HPCAL1: variants seen among roughly 807,000 people sequenced by gnomAD.
HPCAL1 encodes hippocalcin-like protein 1.
HPCAL1 carries 8 observed loss-of-function variants against 17.1 expected under a neutral mutation model. That is an observed-to-expected ratio of 0.47 (90% CI 0.27 to 0.84). The LOEUF (loss-of-function observed/expected upper bound fraction) is 0.84. Among genes scored for constraint, HPCAL1 ranks in the 40% least tolerant of loss-of-function variants. The pLI is 0.13. For missense variants in HPCAL1, 165 were observed against 271.1 expected (o/e 0.61, Z 2.75); for synonymous variants, 112 against 111.4 (o/e 1.01, Z -0.03).
intron 1 of HPCAL1, among the ~76,000 whole-genome samples, chr2:10,361,866 G>A (rs113512293): frequency 5.1e-4 from 78 of 152,054 alleles, no homozygotes; most frequent in Non-Finnish European, 9.4e-4. Context: ...ATAGGCGCCC[G>A]CCACCATGCC....
At chr2:10,374,005 G>A (rs1250364241) in intron 1 of HPCAL1, among the ~76,000 whole-genome samples, 4 of 152,208 alleles carry the variant, frequency 2.6e-5, no homozygotes, top group Non-Finnish European at 5.9e-5. Flanking sequence ...TCCTGGCCAA[G>A]TCCTCTGTCC....
At chr2:10,411,782 C>T (rs1399916744) in intron 2 of HPCAL1, among the ~76,000 whole-genome samples, 1 of 152,282 alleles carries the variant, frequency 6.6e-6, no homozygotes, top group Middle Eastern at 3.4e-3. Context: ...GAGAAAGATC[C>T]TCCAGTCCCC....
chr2:10,427,028 T>C lies in HPCAL1; in HGVS notation c.*207T>C. 1.7e-6 allele frequency: 1 copy of C among 571,436 alleles called. No homozygotes were observed. The highest frequency in any genetic ancestry group is 2.0e-5 in the South Asian group (1 of 50,134). 35.4% of individuals were successfully genotyped at this position (571,436 alleles called of 1,614,324 possible). Reference sequence around the variant, plus strand: ...CTCCCCTCACGCCTGGCCCGGTCCCTTCCAGGGCAACTCCCAGGGATGTGG... The same window carrying C: ...CTCCCCTCACGCCTGGCCCGGTCCCCTCCAGGGCAACTCCCAGGGATGTGG... On this transcript the variant is annotated 3_prime_UTR_variant, in exon 5 of 5. Transcript: ENST00000307845.
chr2:10,402,857 A>G lies in HPCAL1; in HGVS notation c.-25+5937A>G, dbSNP rs377756415. On this transcript the variant is annotated intron_variant, in intron 2 of 4. Transcript: ENST00000307845. ...CAGCACAGGGTGGACCTTGCCCTGC[A>G]GACAGAGCCATGCAGCCTGCGCAAA... Among the ~76,000 whole-genome samples the G allele has an allele frequency of 3.9e-5, 6 of 152,292 alleles. No homozygotes were observed. In the South Asian group the frequency reaches 8.3e-4, roughly 21 times the overall value.
chr2:10,385,045 G>A (rs185041494), intron 1 of HPCAL1, among the ~76,000 whole-genome samples: 60 of 151,952 alleles, frequency 3.9e-4, no homozygotes, highest in African/African-American at 1.1e-3. Context: ...ACTTGAACCC[G>A]GGAGGTGAAG....
intron 2 of HPCAL1, among the ~76,000 whole-genome samples, chr2:10,409,841 GTGCAGTGGCACCACCTCAGC>G: frequency 7.3e-6 from 1 of 137,746 alleles, no homozygotes; most frequent in African/African-American, 2.7e-5. Flanking sequence ...CCAGGCTGGA[GTGCAGTGGCACCACCTCAGC>G]TCACTGCAAC....
intron 1 of HPCAL1, among the ~76,000 whole-genome samples, chr2:10,386,312 C>G (rs1455583317): frequency 6.6e-6 from 1 of 152,236 alleles, no homozygotes; most frequent in East Asian, 1.9e-4. Flanking sequence ...GGTCCTTCCT[C>G]CCTGGCCTCT....
At position 10,304,205 on chromosome 2, in the gene HPCAL1, C is replaced by T. The variant is rs574497324; in HGVS notation, c.-111+1028C>T. Among the ~76,000 whole-genome samples, 6 of 151,910 alleles carry T rather than the reference C, an allele frequency of 3.9e-5. No homozygotes were observed. The highest frequency in any genetic ancestry group is 1.2e-4 in the African/African-American group (5 of 41,440). ...CCCTGCCCCAGCCCCCAGGCTCCCG[C>T]GCAAGCGTGGGGGTCCCTCTCCTGG... On this transcript the variant is annotated intron_variant, in intron 1 of 4. Transcript: ENST00000307845. The surrounding 1 kb of genome is among the most constrained non-coding windows in gnomAD (Gnocchi z 4.1).
At chr2:10,385,097 CA>C (rs34671924) in intron 1 of HPCAL1, among the ~76,000 whole-genome samples, 66,626 of 140,566 alleles carry the variant, frequency 0.47, 15,104 homozygotes, top group African/African-American at 0.53. Flanking sequence ...GACTCCGTCT[CA>C]AAAAAAAAAA....
chr2:10,423,441 G>A (rs555646048), intron 4 of HPCAL1: 26 of 240,400 alleles, frequency 1.1e-4, no homozygotes, highest in Non-Finnish European at 2.1e-4. Flanking sequence ...GAGATCAAAG[G>A]ATCCCAGATG....
chr2:10,357,047 A>C (rs1403551279), intron 1 of HPCAL1, among the ~76,000 whole-genome samples: 1 of 152,164 alleles, frequency 6.6e-6, no homozygotes, highest in Non-Finnish European at 1.5e-5. Context: ...CAGGAGGTTG[A>C]GGCTGCAGTG....
chr2:10,366,497 A>C (rs1232460559), intron 1 of HPCAL1, among the ~76,000 whole-genome samples: 1 of 152,064 alleles, frequency 6.6e-6, no homozygotes, highest in Non-Finnish European at 1.5e-5. Context: ...TGGCCTCCCA[A>C]AGTGCTGAGA....
At chr2:10,417,967 C>G (rs1391783561) in intron 2 of HPCAL1, among the ~76,000 whole-genome samples, 1 of 150,798 alleles carries the variant, frequency 6.6e-6, no homozygotes, top group Non-Finnish European at 1.5e-5. Flanking sequence ...ACTTGAGCAC[C>G]GGAGGTCAAG....
chr2:10,347,055 T>C (rs1245462222), intron 1 of HPCAL1, among the ~76,000 whole-genome samples: 1 of 143,852 alleles, frequency 7.0e-6, no homozygotes, highest in Non-Finnish European at 1.5e-5. Flanking sequence ...CATAGATGAG[T>C]TTGACATTAC....
chr2:10,415,649 C>T (rs187971830), intron 2 of HPCAL1, among the ~76,000 whole-genome samples: 4 of 151,944 alleles, frequency 2.6e-5, no homozygotes, highest in African/African-American at 7.2e-5. Flanking sequence ...GAGCCACATG[C>T]GGTTTGGTCG....
intron 2 of HPCAL1, among the ~76,000 whole-genome samples, chr2:10,416,063 A>G (rs937051164): frequency 2.6e-5 from 4 of 152,180 alleles, no homozygotes; most frequent in Non-Finnish European, 5.9e-5. Flanking sequence ...GGTGCCACGC[A>G]AGGCTGGTCC....
chr2:10,312,108 A>G (rs993662613), intron 1 of HPCAL1, among the ~76,000 whole-genome samples: 1 of 151,128 alleles, frequency 6.6e-6, no homozygotes, highest in African/African-American at 2.4e-5. Flanking sequence ...CATCACCATC[A>G]TCACTATCAT....
chr2:10,319,606 C>T (rs1050672679), intron 1 of HPCAL1, among the ~76,000 whole-genome samples: 28 of 150,934 alleles, frequency 1.9e-4, no homozygotes, highest in African/African-American at 5.6e-4. Flanking sequence ...GGTGGGCAGA[C>T]TAATACAGGG....
intron 1 of HPCAL1, among the ~76,000 whole-genome samples, chr2:10,316,771 A>G (rs577004865): frequency 6.6e-6 from 1 of 152,280 alleles, no homozygotes; most frequent in African/African-American, 2.4e-5. Context: ...TGCCTTTGCT[A>G]CTCACTCAGT....
Sources: gnomAD v4.1 joint callset for allele counts (sites outside exome capture counted in the v4.1 genomes callset) on GRCh38, gnomAD v4.1.1 for gene constraint, Gnocchi (gnomAD v3.1) non-coding constraint, MANE v1.5 for transcripts, NCBI Gene and HGNC (gene_info 2026-07-23, HGNC 2026-07-21) for gene names.